CNBD1: variants seen among roughly 807,000 people sequenced by gnomAD.
The protein encoded by CNBD1 is cyclic nucleotide-binding domain-containing protein 1.
In CNBD1, 71 loss-of-function variants were observed where a neutral mutation model predicts 54.4. The observed-to-expected ratio is 1.30, with a 90% CI of 1.08 to 1.59. The LOEUF (loss-of-function observed/expected upper bound fraction) is 1.59, where lower values mean the gene tolerates loss of function less well. Among genes scored for constraint, CNBD1 ranks in the 40% most tolerant of loss-of-function variants. CNBD1 has a pLI of 0.00. For missense variants in CNBD1, 659 were observed against 518.0 expected, an observed-to-expected ratio of 1.27 and a Z score of -2.64; for synonymous variants, 182 against 170.7, an observed-to-expected ratio of 1.07 and a Z score of -0.51.
At chr8:86,891,229 T>C (rs1433894974) in intron 2 of CNBD1, among the ~76,000 whole-genome samples, 1 of 152,092 alleles carries the variant, frequency 6.6e-6, no homozygotes, top group Non-Finnish European at 1.5e-5. Flanking sequence ...AAGTTTTAGA[T>C]CTTTTGTATT....
chr8:87,399,781 T>C (rs1225426364), intron 2 of CNBD1, among the ~76,000 whole-genome samples: 6 of 151,936 alleles, frequency 3.9e-5, no homozygotes. Flanking sequence ...TTATGGTGCT[T>C]GGACAGTGAT....
At position 87,229,296 on chromosome 8, in the gene CNBD1, G is replaced by GT. The variant is rs1227997324; in HGVS notation, c.578-7613dup. 3.0e-3 allele frequency among the ~76,000 whole-genome samples: 444 copies of GT among 150,056 alleles called. 2 individuals carry two copies. Among genetic ancestry groups the GT allele is most frequent in the African/African-American group, 9.2e-3 (379 of 40,982 alleles). On this transcript the variant is annotated intron_variant, in intron 5 of 10. Transcript: ENST00000518476. Reference sequence around the variant, plus strand: ...TCCCCCCGATTTTTCTTAAATGCTGGTTTTTTTTTTAAATACATGAAATCG... The same window carrying GT: ...TCCCCCCGATTTTTCTTAAATGCTGGTTTTTTTTTTTAAATACATGAAATCG...
chr8:87,265,629 G>A (rs1026925060), intron 6 of CNBD1, among the ~76,000 whole-genome samples: 1 of 152,132 alleles, frequency 6.6e-6, no homozygotes, highest in African/African-American at 2.4e-5. Flanking sequence ...GAGGATGGCA[G>A]TTTCAATCTT....
intron 2 of CNBD1, among the ~76,000 whole-genome samples, chr8:86,890,573 T>A (rs913255290): frequency 1.3e-5 from 2 of 152,128 alleles, no homozygotes; most frequent in Non-Finnish European, 2.9e-5. Context: ...CTTCCACATA[T>A]TGATTTCAGT....
chr8:86,989,935 T>C (rs545890844), intron 4 of CNBD1, among the ~76,000 whole-genome samples: 2 of 152,296 alleles, frequency 1.3e-5, no homozygotes, highest in East Asian at 1.9e-4. Flanking sequence ...TGATTTGCAT[T>C]TTTCTGATGA....
chr8:86,894,035 A>ATTTTTTTTTTTT lies in CNBD1; in HGVS notation c.158+6450_158+6461dup, dbSNP rs869060076. Among the ~76,000 whole-genome samples, 23 of 52,366 alleles carry ATTTTTTTTTTTT rather than the reference A, an allele frequency of 4.4e-4. 5 individuals carry two copies. Among genetic ancestry groups the ATTTTTTTTTTTT allele is most frequent in the Non-Finnish European group, 5.0e-4 (14 of 28,064 alleles). 34.4% of individuals were successfully genotyped at this position (52,366 alleles called of 152,430 possible). On this transcript the variant is annotated intron_variant, in intron 2 of 10. Coordinates refer to ENST00000518476, the MANE Select transcript of CNBD1 (RefSeq NM_173538.3). Reference sequence around the variant, plus strand: ...TTTATTCATATATTTTAATAGATTAATTTTTTTTTTTTTTTTTTTTTTTTT... The same window carrying ATTTTTTTTTTTT: ...TTTATTCATATATTTTAATAGATTAATTTTTTTTTTTTTTTTTTTTTTTTTTTTTTTTTTTTT...
At chr8:86,963,718 A>T (rs1807997740) in intron 4 of CNBD1, among the ~76,000 whole-genome samples, 1 of 152,138 alleles carries the variant, frequency 6.6e-6, no homozygotes, top group Non-Finnish European at 1.5e-5. Context: ...CCTAGGTTGG[A>T]GAAGAGAACT....
At chr8:87,172,763 C>A (rs1410953751) in intron 4 of CNBD1, among the ~76,000 whole-genome samples, 1 of 151,568 alleles carries the variant, frequency 6.6e-6, no homozygotes, top group African/African-American at 2.4e-5. Flanking sequence ...CTGTGTGTAT[C>A]TTTATAATTG....
chr8:87,335,299 T>TG (rs1405251501), intron 8 of CNBD1, among the ~76,000 whole-genome samples: 1 of 152,150 alleles, frequency 6.6e-6, no homozygotes, highest in African/African-American at 2.4e-5. Flanking sequence ...ATATTGACAG[T>TG]GGGGTGTTAA....
At chr8:87,132,942 A>G (rs959600254) in intron 4 of CNBD1, among the ~76,000 whole-genome samples, 1 of 151,076 alleles carries the variant, frequency 6.6e-6, no homozygotes, top group African/African-American at 2.4e-5. Flanking sequence ...ATCATTCTCA[A>G]TCTTTTTTCT....
intron 4 of CNBD1, among the ~76,000 whole-genome samples, chr8:87,154,351 G>A (rs557503696): frequency 1.4e-4 from 22 of 152,198 alleles, no homozygotes; most frequent in Admixed American, 2.6e-4. Context: ...TGATTCTTGG[G>A]TTGAGTCTTA....
At chr8:87,382,325 C>T (rs1245047165) in intron 10 of CNBD1, among the ~76,000 whole-genome samples, 1 of 151,648 alleles carries the variant, frequency 6.6e-6, no homozygotes, top group African/African-American at 2.4e-5. Flanking sequence ...AAAATATCAG[C>T]AAGAAACATA....
At chr8:87,412,965 T>C (rs1289852340) in intron 2 of CNBD1, among the ~76,000 whole-genome samples, 1 of 152,074 alleles carries the variant, frequency 6.6e-6, no homozygotes, top group Non-Finnish European at 1.5e-5. Flanking sequence ...CCTTGTCCTG[T>C]ACCTGTGAAG....
At chr8:87,141,668 A>C (rs969749511) in intron 4 of CNBD1, among the ~76,000 whole-genome samples, 7 of 152,226 alleles carry the variant, frequency 4.6e-5, no homozygotes, top group Non-Finnish European at 7.4e-5. Context: ...GAAGATATAA[A>C]AGATTTGTAA....
chr8:87,363,862 G>T (rs866762005), intron 10 of CNBD1, among the ~76,000 whole-genome samples: 2 of 152,002 alleles, frequency 1.3e-5, no homozygotes, highest in South Asian at 4.2e-4. Context: ...AGTTTAATTA[G>T]ATCACATTTG....
intron 6 of CNBD1, among the ~76,000 whole-genome samples, chr8:87,273,391 C>A (rs1343013392): frequency 6.8e-6 from 1 of 147,300 alleles, no homozygotes; most frequent in Non-Finnish European, 1.5e-5. Context: ...GTAAGAAGCC[C>A]AAATCTACCT....
intron 6 of CNBD1, among the ~76,000 whole-genome samples, chr8:87,263,299 CT>C (rs1298098379): frequency 5.3e-5 from 8 of 151,946 alleles, no homozygotes; most frequent in African/African-American, 1.9e-4. Context: ...GCAGTTGAAA[CT>C]TTTTTCTATT....
chr8:87,407,584 G>T (rs1807671921), intron 2 of CNBD1, among the ~76,000 whole-genome samples: 2 of 151,968 alleles, frequency 1.3e-5, no homozygotes, highest in East Asian at 1.9e-4. Flanking sequence ...CAATTTTTCA[G>T]ATTGATTTGT....
At chr8:87,426,207 C>T (rs759475286) in intron 2 of CNBD1, among the ~76,000 whole-genome samples, 20 of 152,260 alleles carry the variant, frequency 1.3e-4, no homozygotes, top group East Asian at 5.8e-4. Flanking sequence ...CACTGACCTG[C>T]GCCCGCTGTC....
Sources: allele counts gnomAD v4.1 joint callset (sites outside exome capture counted in the v4.1 genomes callset), GRCh38; gene constraint gnomAD v4.1.1; transcripts MANE v1.5; gene names NCBI Gene and HGNC (gene_info 2026-07-23, HGNC 2026-07-21).